Variants in TUB observed in about 807,000 individuals in gnomAD.
The protein encoded by TUB is tubby protein homolog.
Under a neutral mutation model 59.7 loss-of-function variants are expected in TUB, and 33 were observed. The observed-to-expected ratio is 0.55, with a 90% CI of 0.42 to 0.74. TUB has a LOEUF of 0.74. Ranked by LOEUF, TUB falls within the 30% of genes least tolerant of loss-of-function variation. The pLI is 0.00. For missense variants in TUB, 659 were observed against 672.0 expected (o/e 0.98, Z 0.21); for synonymous variants, 293 against 256.4 (o/e 1.14, Z -1.36).
At chr11:8,053,855 C>T (rs181691335) in intron 2 of TUB, among the ~76,000 whole-genome samples, 353 of 150,316 alleles carry the variant, frequency 2.3e-3, no homozygotes, top group African/African-American at 7.8e-3. Flanking sequence ...GTGGCTCACG[C>T]CTGTAATCCC....
intron 2 of TUB, among the ~76,000 whole-genome samples, chr11:8,049,024 TAGAG>T (rs1260101613): frequency 3.3e-5 from 5 of 152,192 alleles, no homozygotes; most frequent in Non-Finnish European, 7.3e-5. Flanking sequence ...ACCTCAAACA[TAGAG>T]AGCTTACTGC....
chr11:8,078,353 G>A (rs1943483643), upstream of TUB, among the ~76,000 whole-genome samples: 1 of 152,322 alleles, frequency 6.6e-6, no homozygotes, highest in South Asian at 2.1e-4. Context: ...GGATTGCTGT[G>A]TGGTGGTGTT....
intron 2 of TUB, chr11:8,039,740 C>T (rs1359096929): frequency 2.8e-6 from 4 of 1,448,318 alleles, no homozygotes; most frequent in Non-Finnish European, 3.7e-6. Context: ...AAGGGCCAAC[C>T]ACAGGAGACT....
In TUB at chr11:8,101,556, G is replaced by T; in HGVS notation, c.1458G>T (p.Leu486=). The change falls in exon 12 of 12, where the codon CTG becomes CTT. Residue 486 remains leucine, a synonymous_variant. Transcript: ENST00000299506. ...TCACCATGGATTACAACTACCCGCT[G>T]TGTGCACTGCAGGCCTTTGCCATTG... ...DVFTMDYNYP[L]CALQAFAIAL... 1 of 1,614,254 alleles carries T rather than the reference G, an allele frequency of 6.2e-7. No homozygotes were observed. Among genetic ancestry groups the T allele is most frequent in the Non-Finnish European group, 8.5e-7 (1 of 1,180,042 alleles).
At chr11:8,078,170 A>G (rs568688637), upstream of TUB, among the ~76,000 whole-genome samples, 25 of 152,228 alleles carry the variant, frequency 1.6e-4, no homozygotes, top group African/African-American at 4.3e-4. Flanking sequence ...CTCAGGTGGC[A>G]GATGTGAGGG....
upstream of TUB, among the ~76,000 whole-genome samples, chr11:8,078,606 A>T (rs1277730471): frequency 6.6e-6 from 1 of 152,102 alleles, no homozygotes; most frequent in Non-Finnish European, 1.5e-5. Context: ...GTTAACACTC[A>T]TGCACTCCAT....
At chr11:8,056,127 A>G (rs1350059412) in intron 2 of TUB, among the ~76,000 whole-genome samples, 1 of 152,152 alleles carries the variant, frequency 6.6e-6, no homozygotes, top group Admixed American at 6.5e-5. Context: ...GTTCTGTCCT[A>G]TCCCTTCTCA....
In TUB at chr11:8,055,851, G is replaced by C. The variant is rs1158036483; in HGVS notation, c.203+16159G>C. Among the ~76,000 whole-genome samples the C allele has an allele frequency of 4.6e-5, 7 of 152,324 alleles. No individual in the cohort carries two copies. The East Asian group carries it at 1.4e-3, about 29-fold the overall frequency. On this transcript the variant is annotated intron_variant, in intron 2 of 12. Coordinates refer to the TUB transcript ENST00000305253. ...TGGAAGCAGGAGCCCTGGCCTCCCT[G>C]CTCACCTTCCCACTAGCCCCTTCGC... is the stretch of plus-strand genomic sequence containing the variant.
intron 2 of TUB, among the ~76,000 whole-genome samples, chr11:8,065,000 C>T (rs2133783260): frequency 6.6e-6 from 1 of 152,304 alleles, no homozygotes; most frequent in Middle Eastern, 3.4e-3. Flanking sequence ...GGGGCCTCTC[C>T]ATGTTGAAGC....
At chr11:8,087,048 T>A (rs1943682621) in intron 1 of TUB, among the ~76,000 whole-genome samples, 1 of 152,222 alleles carries the variant, frequency 6.6e-6, no homozygotes. Context: ...GCCTCCTGCC[T>A]CTGGCATAAC....
chr11:8,100,550 T>C lies in TUB; in HGVS notation c.1164T>C (p.Ile388=), dbSNP rs1165867017. 6.2e-7 allele frequency: 1 copy of C among 1,614,140 alleles called. No individual in the cohort carries two copies. Among genetic ancestry groups the C allele is most frequent in the Non-Finnish European group, 8.5e-7 (1 of 1,180,024 alleles). ...AGGGGCCTCGGAAGATGAGCGTGAT[T>C]GTCCCAGGCATGAACATGGTTCATG... ...GFKGPRKMSV[I]VPGMNMVHER... is the part of the protein sequence containing the mutation. Residue 388 remains isoleucine, a synonymous_variant, in exon 10 of 12, where the codon ATT becomes ATC. Coordinates refer to ENST00000299506, the MANE Select transcript of TUB (RefSeq NM_177972.3).
In TUB at chr11:8,094,156, G is replaced by A. The variant is rs201324153; in HGVS notation, c.364G>A (p.Ala122Thr). 492 of 1,613,902 alleles carry A rather than the reference G, an allele frequency of 3.0e-4. No homozygotes were observed. Among genetic ancestry groups the A allele is most frequent in the Non-Finnish European group, 3.6e-4 (422 of 1,179,926 alleles). Reference protein sequence around the residue: ...AAATAGGQGGAARKEKKGKHK... With the variant: ...AAATAGGQGGTARKEKKGKHK... Reference sequence around the variant, plus strand: ...AGCTACAGCAGGGGGCCAGGGTGGCGCCGCTAGGAAGGAGAAGAAGGGAAA... The same window carrying A: ...AGCTACAGCAGGGGGCCAGGGTGGCACCGCTAGGAAGGAGAAGAAGGGAAA... The change falls in exon 4 of 12, where the codon GCC (alanine) becomes ACC (threonine). Residue 122 changes from alanine (A) to threonine (T), a missense_variant. Ala to Thr is a moderately conservative substitution (Grantham distance 58). This residue lies in a region of TUB where 321 missense variants were observed against 304.3 expected (regional missense o/e 1.05). Coordinates refer to ENST00000299506, the MANE Select transcript of TUB (RefSeq NM_177972.3).
upstream of TUB, among the ~76,000 whole-genome samples, chr11:8,078,832 A>G (rs1238593624): frequency 6.6e-6 from 1 of 151,898 alleles, no homozygotes; most frequent in Non-Finnish European, 1.5e-5. Context: ...TATGGGACTC[A>G]CACAACCCAT....
intron 2 of TUB, among the ~76,000 whole-genome samples, chr11:8,060,393 A>C (rs61879615): frequency 0.3 from 44,947 of 151,946 alleles, 7,252 homozygotes; most frequent in East Asian, 0.56. Flanking sequence ...GTTGCTGGCC[A>C]CCTCTGACTT....
intron 2 of TUB, among the ~76,000 whole-genome samples, chr11:8,049,028 G>A (rs1942884648): frequency 6.6e-6 from 1 of 152,158 alleles, no homozygotes; most frequent in Non-Finnish European, 1.5e-5. Flanking sequence ...CAAACATAGA[G>A]AGCTTACTGC....
intron 1 of TUB, chr11:8,039,157 T>G (rs1942699270): frequency 2.5e-6 from 3 of 1,197,068 alleles, no homozygotes; most frequent in African/African-American, 3.1e-5. Context: ...TGCTCCCCTA[T>G]CACCACGTGG....
At chr11:8,029,388 C>CTTT (rs71059146) in intron 1 of TUB, among the ~76,000 whole-genome samples, 47 of 123,528 alleles carry the variant, frequency 3.8e-4, no homozygotes, top group African/African-American at 1.3e-3. Context: ...TTCTTTCTTT[C>CTTT]TTTTTTTTTT....
intron 1 of TUB, among the ~76,000 whole-genome samples, chr11:8,031,053 C>T (rs886186719): frequency 6.6e-6 from 1 of 152,156 alleles, no homozygotes; most frequent in African/African-American, 2.4e-5. Context: ...TGAGAGAAGG[C>T]GTCTGTGTGC....
chr11:8,056,955 G>A (rs1184208425), intron 2 of TUB, among the ~76,000 whole-genome samples: 1 of 152,108 alleles, frequency 6.6e-6, no homozygotes, highest in African/African-American at 2.4e-5. Context: ...GAGTTAGGAG[G>A]CACCATTTTC....
Sources: allele counts gnomAD v4.1 joint callset (sites outside exome capture counted in the v4.1 genomes callset), GRCh38; gene constraint gnomAD v4.1.1; regional missense constraint gnomAD v4.1.1; transcripts MANE v1.5; gene names NCBI Gene and HGNC (gene_info 2026-07-23, HGNC 2026-07-21).